Variants in WDFY1 observed in about 807,000 individuals in gnomAD.
WDFY1 encodes WD repeat and FYVE domain containing 1.
WDFY1 carries 32 observed loss-of-function variants against 56.4 expected under a neutral mutation model. That is an observed-to-expected ratio of 0.57 (90% CI 0.43 to 0.76). The LOEUF is 0.76. WDFY1 is among the 30% of genes least tolerant of loss of function. WDFY1 has a pLI of 0.00. For synonymous variants in WDFY1, 192 were observed against 197.3 expected (o/e 0.97, Z 0.23); for missense variants, 480 against 545.7 (o/e 0.88, Z 1.20).
At chr2:223,909,298 C>A (rs522942) in intron 3 of WDFY1, among the ~76,000 whole-genome samples, 1 of 151,954 alleles carries the variant, frequency 6.6e-6, no homozygotes, top group South Asian at 2.1e-4. Flanking sequence ...GCTTACATAA[C>A]GTGGTCTGGG....
intron 1 of WDFY1, among the ~76,000 whole-genome samples, chr2:223,929,470 G>A (rs370953490): frequency 3.3e-5 from 5 of 152,154 alleles, no homozygotes; most frequent in East Asian, 1.9e-4. Flanking sequence ...TTACAGGCAT[G>A]AGCCACCGTG....
chr2:223,881,806 A>G lies in WDFY1; in HGVS notation c.1064+136T>C, dbSNP rs540692731. 5.2e-5 allele frequency: 65 copies of G among 1,258,968 alleles called. No homozygotes were observed. In the East Asian group the frequency reaches 1.7e-3, roughly 33 times the overall value. 78.0% of individuals were successfully genotyped at this position (1,258,968 alleles called of 1,614,324 possible). ...CTGTCTCAAAAAACAAACAACAAAT[A>G]AAATGGCTTAGGAAATTCAGGAGAA... On this transcript the variant is annotated intron_variant, in intron 10 of 11. Transcript: ENST00000233055.
chr2:223,897,779 C>T (rs1693423497), intron 6 of WDFY1, among the ~76,000 whole-genome samples: 1 of 152,042 alleles, frequency 6.6e-6, no homozygotes, highest in South Asian at 2.1e-4. Context: ...GTGCCATCCC[C>T]TTGGTGCTCT....
At chr2:223,935,037 G>C (rs944599538) in intron 1 of WDFY1, among the ~76,000 whole-genome samples, 1 of 152,162 alleles carries the variant, frequency 6.6e-6, no homozygotes, top group Non-Finnish European at 1.5e-5. Flanking sequence ...GTTTCGGCGA[G>C]GGAACAGCAC....
chr2:223,925,737 G>A (rs1693968449), intron 1 of WDFY1, among the ~76,000 whole-genome samples: 1 of 152,154 alleles, frequency 6.6e-6, no homozygotes, highest in South Asian at 2.1e-4. Flanking sequence ...TAAGTTTATG[G>A]AATATTCTAA....
rs145572689 is a variant in WDFY1, at chr2:223,899,672, G to A, written c.486-602C>T. Reference sequence around the variant, plus strand: ...GAGACAAGAGAACAGCTTGAACCCAGGAGGCAGAGGCTGCAGTGAGCTGAG... The same window carrying A: ...GAGACAAGAGAACAGCTTGAACCCAAGAGGCAGAGGCTGCAGTGAGCTGAG... On this transcript the variant is annotated intron_variant, in intron 5 of 11. Transcript: ENST00000233055. Among the ~76,000 whole-genome samples the A allele has an allele frequency of 3.9e-3, 595 of 152,172 alleles. 15 individuals carry two copies. In the East Asian group the frequency reaches 0.047, roughly 12 times the overall value.
rs898793631 is a variant in WDFY1 at position 223,876,055 on chromosome 2, G to A, written c.*2616C>T. ...ATAGTAAAGAGATTTACGATGTAAT[G>A]AATAATTTGTTTCTACCTAATGCTA... On this transcript the variant is annotated 3_prime_UTR_variant, in exon 12 of 12. Transcript: ENST00000233055. 6.6e-6 allele frequency: 1 copy of A among 152,256 alleles called. No individual in the cohort carries two copies. The highest frequency in any genetic ancestry group is 1.5e-5 in the Non-Finnish European group (1 of 67,998). The allele number at this position is 152,256 out of a possible 1,614,324, so 9.4% of individuals were successfully genotyped here.
chr2:223,891,987 T>G (rs895429566), intron 8 of WDFY1, among the ~76,000 whole-genome samples: 3 of 152,178 alleles, frequency 2.0e-5, no homozygotes, highest in African/African-American at 7.2e-5. Context: ...TATATATACA[T>G]ATTTTTTAGA....
chr2:223,942,979 G>A (rs1249192905), intron 1 of WDFY1, among the ~76,000 whole-genome samples: 1 of 150,410 alleles, frequency 6.6e-6, no homozygotes, highest in Non-Finnish European at 1.5e-5. Context: ...TCAGGAGATC[G>A]AGACCATCCT....
chr2:223,929,810 A>T (rs576629329), intron 1 of WDFY1, among the ~76,000 whole-genome samples: 1 of 152,062 alleles, frequency 6.6e-6, no homozygotes, highest in East Asian at 1.9e-4. Context: ...CAACAGCAGC[A>T]CTGCATCAGA....
At chr2:223,897,408 T>A in intron 6 of WDFY1, among the ~76,000 whole-genome samples, 1 of 130,424 alleles carries the variant, frequency 7.7e-6, no homozygotes. Flanking sequence ...AGACGGAGTC[T>A]CTCTCTGTCA....
chr2:223,941,872 G>GA (rs1689310458), intron 1 of WDFY1, among the ~76,000 whole-genome samples: 1 of 152,150 alleles, frequency 6.6e-6, no homozygotes. Flanking sequence ...CTAACACCAA[G>GA]AAAAAACCCA....
chr2:223,932,187 A>C (rs192530226), intron 1 of WDFY1, among the ~76,000 whole-genome samples: 3,313 of 144,306 alleles, frequency 0.023, 104 homozygotes, highest in African/African-American at 0.082. Context: ...CAGTGGTGCA[A>C]TCTCGGCTCA....
intron 4 of WDFY1, among the ~76,000 whole-genome samples, chr2:223,904,248 T>C (rs1396368503): frequency 6.6e-6 from 1 of 152,118 alleles, no homozygotes; most frequent in Non-Finnish European, 1.5e-5. Flanking sequence ...TTTTCTCCTA[T>C]TTTATTTATT....
At chr2:223,880,089 C>G in intron 11 of WDFY1, 35 bp downstream of exon 11, 2 of 1,575,822 alleles carry the variant, frequency 1.3e-6, no homozygotes, top group Non-Finnish European at 8.7e-7. Context: ...TAGGCAATCT[C>G]AACTGAGATG....
chr2:223,908,097 C>T (rs1347499673), intron 3 of WDFY1, among the ~76,000 whole-genome samples: 1 of 152,146 alleles, frequency 6.6e-6, no homozygotes, highest in Non-Finnish European at 1.5e-5. Context: ...TGGGCTCAAT[C>T]CTCCTGCCTA....
In WDFY1 at chr2:223,945,148, C is replaced by T. The variant is rs748473255; in HGVS notation, c.137G>A (p.Arg46Lys). ...CGCCCCGGCTGCGCCCGGGCCCTAC[C>T]TGTCCTCGCTGGCCGTGATCACGCC... is the stretch of plus-strand genomic sequence containing the variant. ...EDGVITASED[R>K]TIRVWLKRDS... is the part of the protein sequence containing the mutation. Residue 46 changes from arginine (R) to lysine (K), a missense_variant and splice_region_variant, in exon 1 of 12, where the codon AGA becomes AAA. Physicochemically the swap from Arg to Lys is conservative, Grantham distance 26. Transcript: ENST00000233055. 3 of 1,590,918 alleles carry T rather than the reference C, an allele frequency of 1.9e-6. No homozygotes were observed. The highest frequency in any genetic ancestry group is 1.1e-5 in the South Asian group (1 of 89,384).
intron 1 of WDFY1, among the ~76,000 whole-genome samples, chr2:223,942,877 C>T (rs988940057): frequency 6.6e-6 from 1 of 151,186 alleles, no homozygotes; most frequent in Non-Finnish European, 1.5e-5. Flanking sequence ...TCTACGTTCA[C>T]ATCATGCAAG....
intron 11 of WDFY1, among the ~76,000 whole-genome samples, chr2:223,879,044 T>A (rs1693020781): frequency 1.3e-5 from 2 of 151,974 alleles, no homozygotes; most frequent in Admixed American, 6.6e-5. Flanking sequence ...GAAATTAGCC[T>A]GGTGTGGTGG....
Sources: allele counts gnomAD v4.1 joint callset (sites outside exome capture counted in the v4.1 genomes callset), GRCh38; gene constraint gnomAD v4.1.1; transcripts MANE v1.5; gene names NCBI Gene and HGNC (gene_info 2026-07-23, HGNC 2026-07-21).